IQCH: variants seen among roughly 807,000 people sequenced by gnomAD.
IQCH encodes IQ domain-containing protein H.
IQCH carries 98 observed loss-of-function variants against 117.0 expected under a neutral mutation model. That is an observed-to-expected ratio of 0.84 (90% confidence interval 0.71 to 0.99). The LOEUF is 0.99. IQCH is among the 50% of genes least tolerant of loss of function. IQCH has a pLI of 0.00. For synonymous variants in IQCH, 412 were observed against 448.2 expected (o/e 0.92, Z 1.02); for missense variants, 1,102 against 1,243.8 (o/e 0.89, Z 1.72).
intron 16 of IQCH, among the ~76,000 whole-genome samples, chr15:67,423,604 G>GA (rs2081806237): frequency 1.4e-5 from 2 of 138,334 alleles, no homozygotes; most frequent in Admixed American, 1.5e-4. Context: ...AAAAAAAAAA[G>GA]AAAGAAAAGA....
rs1483853470 is a variant in IQCH at position 67,417,507 on chromosome 15, CCTT to C, written c.2218+459_2218+461del. Among the ~76,000 whole-genome samples, 3 of 152,180 alleles carry C rather than the reference CCTT, an allele frequency of 2.0e-5. No homozygotes were observed. Among genetic ancestry groups the C allele is most frequent in the Non-Finnish European group, 4.4e-5 (3 of 68,030 alleles). On this transcript the variant is annotated intron_variant, in intron 15 of 20. Coordinates refer to ENST00000335894, the MANE Select transcript of IQCH (RefSeq NM_001031715.3). The surrounding 1 kb of genome is among the most constrained non-coding windows in gnomAD (Gnocchi z 4.3). The stretch of plus-strand genomic sequence containing the variant: ...TCATCTTTAATAAGTGTTAGTTTCT[CCTT>C]CTGTTTTCTAGGAGAGCAAAAATGG...
At chr15:67,319,485 G>A (rs1968011316) in intron 4 of IQCH, among the ~76,000 whole-genome samples, 1 of 152,132 alleles carries the variant, frequency 6.6e-6, no homozygotes, top group South Asian at 2.1e-4. Flanking sequence ...ATCGAAGTCT[G>A]TTTCCTTTGG....
intron 3 of IQCH, among the ~76,000 whole-genome samples, chr15:67,270,061 A>G (rs1965840057): frequency 6.6e-6 from 1 of 152,116 alleles, no homozygotes; most frequent in South Asian, 2.1e-4. Context: ...GCACCTCCAT[A>G]CTGTTTTCCA....
chr15:67,273,355 C>G (rs567924994), intron 3 of IQCH, among the ~76,000 whole-genome samples: 6 of 152,168 alleles, frequency 3.9e-5, no homozygotes, highest in Non-Finnish European at 7.3e-5. Context: ...TAGGCACGAG[C>G]CACCATGCCT....
At chr15:67,316,686 A>G (rs944121970) in intron 4 of IQCH, among the ~76,000 whole-genome samples, 7 of 152,234 alleles carry the variant, frequency 4.6e-5, no homozygotes, top group African/African-American at 1.4e-4. Context: ...GGTAAGTACT[A>G]TTCCTACTTT....
chr15:67,286,063 C>T (rs763294274), intron 4 of IQCH, among the ~76,000 whole-genome samples: 14 of 152,144 alleles, frequency 9.2e-5, no homozygotes, highest in Non-Finnish European at 1.6e-4. Flanking sequence ...TCTTCCAATC[C>T]ATGAACATGG....
Position 67,304,400 on chromosome 15 carries a change from C to A in IQCH, c.387+24888C>A, listed in dbSNP as rs576241577. The A allele has an allele frequency of 1.8e-5, 28 of 1,534,998 alleles. No individual in the cohort carries two copies. The African/African-American group carries it at 3.3e-4, about 18-fold the overall frequency. On this transcript the variant is annotated intron_variant, in intron 4 of 20. Coordinates refer to ENST00000335894, the MANE Select transcript of IQCH (RefSeq NM_001031715.3). ...CCTGAAAACATCCACCACAGAGCTG[C>A]TGTAAATGCGAACTATGGAATCAGT...
rs1970135467 is a variant in IQCH, at chr15:67,361,596, T to A, written c.753+1711T>A. ...CTCTATTCAATATCATGTATACAGG[T>A]AATCAGTTTCTGTGTCTTTTACTGT... On this transcript the variant is annotated intron_variant, in intron 8 of 20. Transcript: ENST00000335894. Among the ~76,000 whole-genome samples, 7 of 152,360 alleles carry A rather than the reference T, an allele frequency of 4.6e-5. No individual in the cohort carries two copies. In the South Asian group the frequency reaches 1.4e-3, roughly 32 times the overall value.
At chr15:67,371,319 C>T (rs918541451) in intron 8 of IQCH, 3 of 417,424 alleles carry the variant, frequency 7.2e-6, no homozygotes, top group African/African-American at 2.1e-5. Flanking sequence ...GCTCAGCATC[C>T]GAGTCTTAGA....
intron 9 of IQCH, among the ~76,000 whole-genome samples, chr15:67,372,958 C>G (rs1042669446): frequency 1.3e-5 from 2 of 151,828 alleles, no homozygotes; most frequent in Non-Finnish European, 2.9e-5. Flanking sequence ...GTCAGAAAAT[C>G]AATGTTTTAA....
chr15:67,491,442 T>G lies in IQCH; in HGVS notation c.2861+1378T>G, dbSNP rs1464934773. Among the ~76,000 whole-genome samples the G allele has an allele frequency of 6.6e-6, 1 of 152,194 alleles. No individual in the cohort carries two copies. Among genetic ancestry groups the G allele is most frequent in the East Asian group, 1.9e-4 (1 of 5,192 alleles). On this transcript the variant is annotated intron_variant, in intron 19 of 20. Transcript: ENST00000335894. The surrounding 1 kb of genome is among the most constrained non-coding windows in gnomAD (Gnocchi z 4.9). ...CCTTGCAACTAGAATGTGGCTACAA[T>G]TTAATCTGGCACTTACAGTCTCAGA...
chr15:67,477,389 C>G (rs866622862), intron 18 of IQCH, among the ~76,000 whole-genome samples: 2 of 152,072 alleles, frequency 1.3e-5, no homozygotes, highest in Admixed American at 6.6e-5. Flanking sequence ...ACCTTCAGCA[C>G]GAGGCCAAAT....
chr15:67,485,790 C>T (rs1478049939), intron 18 of IQCH, among the ~76,000 whole-genome samples: 1 of 152,014 alleles, frequency 6.6e-6, no homozygotes, highest in African/African-American at 2.4e-5. Flanking sequence ...TCCTGAGTAG[C>T]TGGGACTACA....
chr15:67,266,518 G>C (rs58056167), intron 3 of IQCH, among the ~76,000 whole-genome samples: 2 of 152,090 alleles, frequency 1.3e-5, no homozygotes, highest in African/African-American at 4.8e-5. Context: ...TTAGCCAGGC[G>C]TGGTGGCAGG....
Position 67,309,396 on chromosome 15 carries a change from A to G in IQCH, c.388-27579A>G, listed in dbSNP as rs114134735. ...TTCCCACACAGATATGAGGACAGGG[A>G]CCTTGTTGTCTGTTCTGTTTGTCTG... On this transcript the variant is annotated intron_variant, in intron 4 of 20. Coordinates refer to ENST00000335894, the MANE Select transcript of IQCH (RefSeq NM_001031715.3). Among the ~76,000 whole-genome samples the G allele has an allele frequency of 3.1e-3, 465 of 152,118 alleles. 6 individuals are homozygous for G. Among genetic ancestry groups the G allele is most frequent in the African/African-American group, 0.011 (445 of 41,498 alleles).
At chr15:67,478,425 C>T (rs565497766) in intron 18 of IQCH, among the ~76,000 whole-genome samples, 34 of 151,900 alleles carry the variant, frequency 2.2e-4, no homozygotes, top group African/African-American at 7.5e-4. Context: ...GAAGACACTT[C>T]CAGCAGAGTT....
At position 67,419,759 on chromosome 15, in the gene IQCH, G is replaced by T. The variant is rs114716803; in HGVS notation, c.2219-1532G>T. Among the ~76,000 whole-genome samples the T allele has an allele frequency of 4.9e-3, 750 of 152,082 alleles. 6 individuals carry two copies. The highest frequency in any genetic ancestry group is 0.015 in the African/African-American group (631 of 41,472). On this transcript the variant is annotated intron_variant, in intron 15 of 20. Coordinates refer to ENST00000335894, the MANE Select transcript of IQCH (RefSeq NM_001031715.3). ...ATTCACAATTTTTTTGTAGAGACAGGGTCTAACTTTGTGGCAATACCTTTT... is the reference window on the plus strand; with the variant it reads ...ATTCACAATTTTTTTGTAGAGACAGTGTCTAACTTTGTGGCAATACCTTTT...
At chr15:67,349,475 C>A (rs1326215049) in intron 6 of IQCH, among the ~76,000 whole-genome samples, 3 of 151,798 alleles carry the variant, frequency 2.0e-5, no homozygotes, top group African/African-American at 7.3e-5. Flanking sequence ...AAAAATTAGC[C>A]AGGCGTGGTG....
Position 67,416,681 on chromosome 15 carries a change from C to T in IQCH, c.2098-250C>T, listed in dbSNP as rs1199219707. Among the ~76,000 whole-genome samples the T allele has an allele frequency of 6.6e-6, 1 of 151,982 alleles. No individual in the cohort carries two copies. Among genetic ancestry groups the T allele is most frequent in the Non-Finnish European group, 1.5e-5 (1 of 67,992 alleles). ...GGTCTGAAACCTCGTTTCCTGATGC[C>T]CAGAGAGAAGGGTGCCTTTCAGAGA... On this transcript the variant is annotated intron_variant, in intron 14 of 20. Coordinates refer to ENST00000335894, the MANE Select transcript of IQCH (RefSeq NM_001031715.3). The surrounding 1 kb of genome is among the most constrained non-coding windows in gnomAD (Gnocchi z 5.1).
Sources: allele counts gnomAD v4.1 joint callset (sites outside exome capture counted in the v4.1 genomes callset), GRCh38; gene constraint gnomAD v4.1.1; non-coding constraint Gnocchi (gnomAD v3.1); transcripts MANE v1.5; gene names NCBI Gene and HGNC (gene_info 2026-07-23, HGNC 2026-07-21).